CSMD3: variants seen among roughly 807,000 people sequenced by gnomAD.
The protein encoded by CSMD3 is CUB and sushi domain-containing protein 3.
In CSMD3, 177 loss-of-function variants were observed where a neutral mutation model predicts 435.2. That is an observed-to-expected ratio of 0.41 (90% CI 0.36 to 0.46). CSMD3 has a LOEUF of 0.46. Among genes scored for constraint, CSMD3 ranks in the 20% least tolerant of loss-of-function variants. The pLI, the probability that CSMD3 is intolerant of heterozygous loss-of-function variation, is 0.34. For missense variants in CSMD3, 4,265 were observed against 4,504.6 expected, an observed-to-expected ratio of 0.95 and a Z score of 1.52; for synonymous variants, 1,656 against 1,520.5, an observed-to-expected ratio of 1.09 and a Z score of -2.07.
intron 27 of CSMD3, among the ~76,000 whole-genome samples, chr8:112,539,587 G>C (rs967992982): frequency 6.6e-6 from 1 of 152,054 alleles, no homozygotes; most frequent in Non-Finnish European, 1.5e-5. Context: ...CAGACGAATG[G>C]AAGAGGAAAA....
At chr8:112,819,242 G>A (rs1490608492) in intron 12 of CSMD3, among the ~76,000 whole-genome samples, 4 of 152,128 alleles carry the variant, frequency 2.6e-5, no homozygotes, top group African/African-American at 9.7e-5. Context: ...GGAAATGAAA[G>A]GCTGTTTGCA....
chr8:112,262,607 G>C (rs888249219), intron 61 of CSMD3, among the ~76,000 whole-genome samples: 2 of 152,110 alleles, frequency 1.3e-5, no homozygotes, highest in African/African-American at 4.8e-5. Context: ...GGTGACCAGA[G>C]AAGGCAATAC....
intron 27 of CSMD3, among the ~76,000 whole-genome samples, chr8:112,521,629 T>C (rs1824291996): frequency 6.6e-6 from 1 of 151,876 alleles, no homozygotes. Context: ...AATAACTTCA[T>C]AAGTTTAAGT....
chr8:112,884,829 C>T (rs1035408192), intron 10 of CSMD3, among the ~76,000 whole-genome samples: 1 of 151,812 alleles, frequency 6.6e-6, no homozygotes, highest in Middle Eastern at 3.4e-3. Context: ...CATATTAAAG[C>T]TATAATAGAT....
chr8:112,228,695 T>C (rs889087508), intron 70 of CSMD3, 61 bp downstream of exon 70: 2 of 1,526,320 alleles, frequency 1.3e-6, no homozygotes, highest in African/African-American at 1.4e-5. Flanking sequence ...GCTAGAGCAG[T>C]AGAAATAACA....
chr8:113,175,922 A>C (rs1011144913), intron 3 of CSMD3, among the ~76,000 whole-genome samples: 1 of 152,038 alleles, frequency 6.6e-6, no homozygotes, highest in African/African-American at 2.4e-5. Flanking sequence ...TAGGTGGGGG[A>C]ATAAAATGAA....
At chr8:112,790,415 CAA>C (rs563861372) in intron 13 of CSMD3, among the ~76,000 whole-genome samples, 1 of 140,862 alleles carries the variant, frequency 7.1e-6, no homozygotes, top group African/African-American at 2.6e-5. Flanking sequence ...TTTCCAGTTT[CAA>C]AAAAAAAAAA....
chr8:112,434,290 A>G (rs1290653993), intron 32 of CSMD3, among the ~76,000 whole-genome samples: 2 of 152,174 alleles, frequency 1.3e-5, no homozygotes, highest in Non-Finnish European at 2.9e-5. Context: ...GCCTGGCATA[A>G]GTTCATAATC....
intron 23 of CSMD3, among the ~76,000 whole-genome samples, chr8:112,580,062 T>C (rs1258122043): frequency 6.6e-6 from 1 of 152,018 alleles, no homozygotes. Flanking sequence ...TTGTCCTTAG[T>C]TTTTATTTGA....
chr8:112,914,827 T>C (rs2082528738), intron 10 of CSMD3, among the ~76,000 whole-genome samples: 1 of 151,880 alleles, frequency 6.6e-6, no homozygotes, highest in Non-Finnish European at 1.5e-5. Context: ...ATCACTTTTA[T>C]CTATAAACCC....
rs1168497356 is a variant in CSMD3 at position 112,318,827 on chromosome 8, C to A, written c.7360+10G>T. 2.6e-6 allele frequency: 4 copies of A among 1,558,240 alleles called. No homozygotes were observed. Among genetic ancestry groups the A allele is most frequent in the South Asian group, 2.2e-5 (2 of 89,922 alleles). Reference sequence around the variant, plus strand: ...TTAAGAAATAAATAATCATAGGAACCATTGAATACCTTGACAAACTGGAGG... The same window carrying A: ...TTAAGAAATAAATAATCATAGGAACAATTGAATACCTTGACAAACTGGAGG... On this transcript the variant is annotated intron_variant, in intron 47 of 70. Coordinates refer to ENST00000297405, the MANE Select transcript of CSMD3 (RefSeq NM_198123.2).
chr8:112,508,089 A>G, intron 28 of CSMD3, among the ~76,000 whole-genome samples: 1 of 152,074 alleles, frequency 6.6e-6, no homozygotes. Flanking sequence ...TCAAGATATC[A>G]CCGTCAACCT....
chr8:112,282,610 G>C (rs1032444054), intron 58 of CSMD3, among the ~76,000 whole-genome samples: 8 of 152,014 alleles, frequency 5.3e-5, no homozygotes, highest in African/African-American at 1.4e-4. Flanking sequence ...GTGGTTTCAA[G>C]ATATGGCCAA....
intron 2 of CSMD3, chr8:113,313,018 T>A (rs2093881813): frequency 6.6e-6 from 1 of 152,180 alleles, no homozygotes; most frequent in Non-Finnish European, 1.5e-5. Flanking sequence ...GTGAAATAAC[T>A]CAGGCATTTT....
chr8:112,753,714 T>G (rs191727017), intron 13 of CSMD3, among the ~76,000 whole-genome samples: 9 of 152,314 alleles, frequency 5.9e-5, no homozygotes, highest in Non-Finnish European at 2.9e-5. Context: ...TGTTAGGAGT[T>G]ACCATAGGAA....
chr8:113,319,555 T>C (rs192724973), intron 1 of CSMD3, among the ~76,000 whole-genome samples: 292 of 152,252 alleles, frequency 1.9e-3, no homozygotes, highest in Non-Finnish European at 1.8e-3. Context: ...CTAAGGTTTT[T>C]AGTTTAATGC....
chr8:112,653,150 A>G (rs1171655947), intron 18 of CSMD3, among the ~76,000 whole-genome samples: 1 of 152,202 alleles, frequency 6.6e-6, no homozygotes, highest in African/African-American at 2.4e-5. Context: ...GGCAATGTAC[A>G]TAATTTTCAG....
intron 10 of CSMD3, among the ~76,000 whole-genome samples, chr8:112,867,378 T>C (rs1219666544): frequency 6.6e-5 from 10 of 152,064 alleles, no homozygotes; most frequent in Non-Finnish European, 7.4e-5. Flanking sequence ...AAGAACAGAG[T>C]TGGGGGCATC....
intron 13 of CSMD3, among the ~76,000 whole-genome samples, chr8:112,796,278 A>G (rs1353041130): frequency 1.3e-5 from 2 of 152,104 alleles, no homozygotes; most frequent in Admixed American, 1.3e-4. Context: ...ATGTTCATTC[A>G]TTTATTCAGG....
Sources: gnomAD v4.1 joint callset for allele counts (sites outside exome capture counted in the v4.1 genomes callset) on GRCh38, gnomAD v4.1.1 for gene constraint, MANE v1.5 for transcripts, NCBI Gene and HGNC (gene_info 2026-07-23, HGNC 2026-07-21) for gene names.